The following TTPA variants were observed in gnomAD, a reference collection of about 807,000 sequenced individuals.
The protein encoded by TTPA is alpha tocopherol transfer protein.
Under a neutral mutation model 25.9 loss-of-function variants are expected in TTPA, and 23 were observed. The observed-to-expected ratio is 0.89, with a 90% CI of 0.64 to 1.26. TTPA has a LOEUF of 1.26. Among genes scored for constraint, TTPA ranks in the 50% most tolerant of loss-of-function variants. The pLI is 0.00. For synonymous variants in TTPA, 148 were observed against 137.3 expected (o/e 1.08, Z -0.54); for missense variants, 337 against 353.1 (o/e 0.95, Z 0.37).
At chr8:63,065,285 G>A (rs947899473) in intron 3 of TTPA, among the ~76,000 whole-genome samples, 3 of 152,108 alleles carry the variant, frequency 2.0e-5, no homozygotes, top group African/African-American at 4.8e-5. Context: ...CCTGGGCATC[G>A]CTATGTCACT....
At position 63,085,896 on chromosome 8, in the gene TTPA, G is replaced by C. The variant is rs763889339; in HGVS notation, c.126C>G (p.Leu42=). The change falls in exon 1 of 5, where the codon CTC becomes CTG. Residue 42 remains leucine, a synonymous_variant. Transcript: ENST00000260116. The part of the protein sequence containing the change: ...RRRAREAGVP[L]APLPLTDSFL... Reference sequence around the variant, plus strand: ...AGGAGTCGGTGAGCGGCAGCGGCGCGAGCGGGACGCCAGCTTCCCGGGCCC... The same window carrying C: ...AGGAGTCGGTGAGCGGCAGCGGCGCCAGCGGGACGCCAGCTTCCCGGGCCC... The C allele has an allele frequency of 1.5e-5, 23 of 1,530,008 alleles. No individual in the cohort carries two copies. Among genetic ancestry groups the C allele is most frequent in the South Asian group, 2.4e-5 (2 of 83,156 alleles). 94.8% of individuals were successfully genotyped at this position (1,530,008 alleles called of 1,614,324 possible). A position where few individuals can be genotyped will look rare whatever the true frequency, so the allele number is the denominator to read the frequency against.
chr8:63,081,034 C>T (rs1001069325), intron 1 of TTPA, among the ~76,000 whole-genome samples: 33 of 150,668 alleles, frequency 2.2e-4, no homozygotes, highest in African/African-American at 7.5e-4. Flanking sequence ...AAAAACAGAC[C>T]GATTAACAGA....
At chr8:63,073,464 G>A (rs1296317194) in intron 1 of TTPA, among the ~76,000 whole-genome samples, 1 of 152,182 alleles carries the variant, frequency 6.6e-6, no homozygotes, top group East Asian at 1.9e-4. Flanking sequence ...TCAACTGGCA[G>A]AAGTGATACT....
intron 1 of TTPA, among the ~76,000 whole-genome samples, chr8:63,075,573 G>T (rs1014750664): frequency 1.3e-5 from 2 of 151,800 alleles, no homozygotes; most frequent in Admixed American, 6.6e-5. Context: ...AAATTAGCTG[G>T]GTGTGGTGGT....
chr8:63,085,995 C>G lies in TTPA; in HGVS notation c.27G>C (p.Ser9=), dbSNP rs1805748241. 3.3e-6 allele frequency: 5 copies of G among 1,496,270 alleles called. No individual in the cohort carries two copies. Among genetic ancestry groups the G allele is most frequent in the Non-Finnish European group, 4.4e-6 (5 of 1,131,574 alleles). 92.7% of individuals were successfully genotyped at this position (1,496,270 alleles called of 1,614,324 possible). Reference sequence around the variant, plus strand: ...GTAGCGCGTTGAGCTGCGGCCCCGCCGAGGGCTGGGATCGCGCCTCTGCCA... The same window carrying G: ...GTAGCGCGTTGAGCTGCGGCCCCGCGGAGGGCTGGGATCGCGCCTCTGCCA... MAEARSQP[S]AGPQLNALPD... The change falls in exon 1 of 5, where the codon TCG becomes TCC. Residue 9 remains serine, a synonymous_variant. Transcript: ENST00000260116.
chr8:63,077,217 TCCAGTCTGCAACTC>T (rs886477001), intron 1 of TTPA, among the ~76,000 whole-genome samples: 2 of 152,168 alleles, frequency 1.3e-5, no homozygotes, highest in African/African-American at 2.4e-5. Flanking sequence ...TAGGAACAGC[TCCAGTCTGCAACTC>T]CCAGTGTGAT....
rs529060910 is a variant in TTPA, at chr8:63,074,785, T to G, written c.205-1697A>C. ...TTAGTAACTATATAGAAATAATGTG[T>G]TTTTTTTTCCTGTGGAATGATAAAA... On this transcript the variant is annotated intron_variant, in intron 1 of 4. Coordinates refer to ENST00000260116, the MANE Select transcript of TTPA (RefSeq NM_000370.3). 2.9e-3 allele frequency among the ~76,000 whole-genome samples: 420 copies of G among 145,134 alleles called. 1 individual carries two copies. The highest frequency in any genetic ancestry group is 6.6e-3 in the East Asian group (34 of 5,162).
rs558702471 is a variant in TTPA, at chr8:63,079,303, T to A, written c.205-6215A>T. 1.6e-3 allele frequency among the ~76,000 whole-genome samples: 241 copies of A among 152,288 alleles called. 1 individual carries two copies. The highest frequency in any genetic ancestry group is 2.4e-3 in the Non-Finnish European group (165 of 68,036). ...TGGGCAAAATAACCAGCTAACATCATAATGACTGGATCAAATTCACACATA... is the reference window on the plus strand; with the variant it reads ...TGGGCAAAATAACCAGCTAACATCAAAATGACTGGATCAAATTCACACATA... On this transcript the variant is annotated intron_variant, in intron 1 of 4. Coordinates refer to ENST00000260116, the MANE Select transcript of TTPA (RefSeq NM_000370.3).
At chr8:63,062,437 T>C (rs1486753240) in intron 4 of TTPA, among the ~76,000 whole-genome samples, 1 of 152,176 alleles carries the variant, frequency 6.6e-6, no homozygotes, top group African/African-American at 2.4e-5. Flanking sequence ...GCATCTATTA[T>C]GTGCTGGGAT....
At chr8:63,081,104 C>G (rs1805657373) in intron 1 of TTPA, among the ~76,000 whole-genome samples, 1 of 151,626 alleles carries the variant, frequency 6.6e-6, no homozygotes. Context: ...CTATTCCAAT[C>G]AATAGAAAAA....
intron 1 of TTPA, among the ~76,000 whole-genome samples, chr8:63,075,704 A>G (rs1805552075): frequency 6.6e-6 from 1 of 150,784 alleles, no homozygotes. Context: ...GTCTCAAAAA[A>G]AAAAAAAAAA....
rs144676612 is a variant in TTPA, at chr8:63,077,039, T to C, written c.205-3951A>G. 5.6e-3 allele frequency among the ~76,000 whole-genome samples: 854 copies of C among 152,212 alleles called. 9 individuals carry two copies. The highest frequency in any genetic ancestry group is 0.02 in the African/African-American group (829 of 41,538). ...TCAAAGACTAATAAAATCAATTCATTTGATTACATTAAAATTTAAAATTCT... is the reference window on the plus strand; with the variant it reads ...TCAAAGACTAATAAAATCAATTCATCTGATTACATTAAAATTTAAAATTCT... On this transcript the variant is annotated intron_variant, in intron 1 of 4. Coordinates refer to ENST00000260116, the MANE Select transcript of TTPA (RefSeq NM_000370.3).
intron 4 of TTPA, 152 bp downstream of exon 4, chr8:63,064,054 T>C (rs1805349185): frequency 1.7e-6 from 1 of 600,650 alleles, no homozygotes; most frequent in African/African-American, 1.9e-5. Context: ...TAATTTACTT[T>C]TTTTTAGTTG....
chr8:63,066,500 A>C (rs939461147), intron 2 of TTPA, among the ~76,000 whole-genome samples: 1 of 152,192 alleles, frequency 6.6e-6, no homozygotes, highest in Non-Finnish European at 1.5e-5. Context: ...AGAGAAATGC[A>C]TGAGGAACAG....
chr8:63,084,711 G>C (rs567943456), intron 1 of TTPA, among the ~76,000 whole-genome samples: 2 of 152,292 alleles, frequency 1.3e-5, no homozygotes, highest in East Asian at 3.9e-4. Flanking sequence ...TTGAGGTAGG[G>C]AGCTTTTTTC....
chr8:63,071,083 T>G (rs1403754082), intron 2 of TTPA, among the ~76,000 whole-genome samples: 4 of 152,206 alleles, frequency 2.6e-5, no homozygotes, highest in Admixed American at 6.5e-5. Context: ...AGACTACCCC[T>G]AAGAAGCTCA....
intron 1 of TTPA, among the ~76,000 whole-genome samples, chr8:63,076,861 T>TA (rs1316992124): frequency 6.6e-6 from 1 of 152,076 alleles, no homozygotes; most frequent in African/African-American, 2.4e-5. Flanking sequence ...TATAGCCATC[T>TA]AAAAAATGAA....
At chr8:63,079,722 G>T (rs1427594465) in intron 1 of TTPA, among the ~76,000 whole-genome samples, 2 of 152,088 alleles carry the variant, frequency 1.3e-5, no homozygotes, top group African/African-American at 4.8e-5. Flanking sequence ...ATAATAATGG[G>T]AGACTTTAAC....
chr8:63,064,124 A>C, intron 4 of TTPA, 82 bp downstream of exon 4: 1 of 997,734 alleles, frequency 1.0e-6, no homozygotes, highest in Non-Finnish European at 1.6e-6. Context: ...GGTACGAGGA[A>C]AGATGATAAA....
Sources: allele counts gnomAD v4.1 joint callset (sites outside exome capture counted in the v4.1 genomes callset), GRCh38; gene constraint gnomAD v4.1.1; transcripts MANE v1.5; gene names NCBI Gene and HGNC (gene_info 2026-07-23, HGNC 2026-07-21).